The following CD247 variants were observed in gnomAD, a reference collection of about 807,000 sequenced individuals.
CD247 encodes the protein T-cell surface glycoprotein CD3 zeta chain.
A neutral mutation model predicts 30.0 loss-of-function variants in CD247; 13 were observed. The ratio of observed to expected loss-of-function variants is 0.43; its 90% CI spans 0.28 to 0.69. The LOEUF (loss-of-function observed/expected upper bound fraction) is 0.69, where lower values mean the gene tolerates loss of function less well. Ranked by LOEUF, CD247 falls within the 30% of genes least tolerant of loss-of-function variation. The probability of loss-of-function intolerance (pLI) is 0.16; values close to 1 mark genes in which losing one functional copy is unlikely to be tolerated. For missense variants in CD247, 193 were observed against 212.6 expected (o/e 0.91, Z 0.57); for synonymous variants, 72 against 80.0 (o/e 0.90, Z 0.53).
rs538569607 is a variant in CD247 at position 167,514,770 on chromosome 1, G to A, written c.58+3638C>T. On this transcript the variant is annotated intron_variant, in intron 1 of 7. Transcript: ENST00000362089. ...TTATCTGACCTATATAAGGTCCTAAGCCTTAGATAAATAAGGCTTGGGAGA... is the reference window on the plus strand; with the variant it reads ...TTATCTGACCTATATAAGGTCCTAAACCTTAGATAAATAAGGCTTGGGAGA... Among the ~76,000 whole-genome samples the A allele has an allele frequency of 6.6e-5, 10 of 152,186 alleles. No homozygotes were observed. In the East Asian group the frequency reaches 1.9e-3, roughly 29 times the overall value.
At chr1:167,490,354 G>A (rs1654396450) in intron 1 of CD247, among the ~76,000 whole-genome samples, 1 of 152,198 alleles carries the variant, frequency 6.6e-6, no homozygotes, top group Non-Finnish European at 1.5e-5. Context: ...GCCGGGCGCG[G>A]TGGCTCACGC....
At chr1:167,482,141 G>A (rs1201690316) in intron 1 of CD247, among the ~76,000 whole-genome samples, 1 of 152,142 alleles carries the variant, frequency 6.6e-6, no homozygotes, top group East Asian at 1.9e-4. Context: ...AAGTTCTCTG[G>A]CCTGAGGATG....
At chr1:167,496,481 A>G (rs914931150) in intron 1 of CD247, among the ~76,000 whole-genome samples, 4 of 152,228 alleles carry the variant, frequency 2.6e-5, no homozygotes, top group Non-Finnish European at 5.9e-5. Flanking sequence ...GCTTAAAAGC[A>G]GCAGCTTGTC....
chr1:167,458,229 C>T (rs1231013373), intron 1 of CD247, among the ~76,000 whole-genome samples: 1 of 152,244 alleles, frequency 6.6e-6, no homozygotes, highest in African/African-American at 2.4e-5. Flanking sequence ...AACAAGCCAC[C>T]ACAGAACATC....
At chr1:167,488,140 T>C (rs1194964446) in intron 1 of CD247, among the ~76,000 whole-genome samples, 2 of 152,166 alleles carry the variant, frequency 1.3e-5, no homozygotes, top group Non-Finnish European at 2.9e-5. Context: ...AAAAGGTTTG[T>C]TAAAGGCACA....
chr1:167,514,651 G>A (rs534289361), intron 1 of CD247, among the ~76,000 whole-genome samples: 1 of 151,938 alleles, frequency 6.6e-6, no homozygotes, highest in South Asian at 2.1e-4. Flanking sequence ...TCAAAGTGAC[G>A]AACACCATCA....
At chr1:167,483,424 C>T (rs917567058) in intron 1 of CD247, among the ~76,000 whole-genome samples, 5 of 152,218 alleles carry the variant, frequency 3.3e-5, no homozygotes, top group Non-Finnish European at 5.9e-5. Flanking sequence ...CTCCCCCTCC[C>T]TACCCTGCTT....
At chr1:167,437,283 T>C (rs531341995) in intron 4 of CD247, among the ~76,000 whole-genome samples, 18 of 152,144 alleles carry the variant, frequency 1.2e-4, no homozygotes, top group African/African-American at 4.3e-4. Context: ...CGCATGCCTG[T>C]AATCCCAGCT....
chr1:167,456,894 G>A (rs758847488), intron 1 of CD247, among the ~76,000 whole-genome samples: 1 of 152,212 alleles, frequency 6.6e-6, no homozygotes, highest in Non-Finnish European at 1.5e-5. Context: ...ACTTTGTCAT[G>A]TTAATGTGTA....
intron 1 of CD247, among the ~76,000 whole-genome samples, chr1:167,503,910 G>A (rs1227186218): frequency 6.6e-6 from 1 of 152,212 alleles, no homozygotes; most frequent in African/African-American, 2.4e-5. Flanking sequence ...TAGAGTCACG[G>A]CTGGTGTTTC....
At chr1:167,465,327 C>CTT (rs765176193) in intron 1 of CD247, among the ~76,000 whole-genome samples, 29,074 of 115,246 alleles carry the variant, frequency 0.25, 4,794 homozygotes, top group Non-Finnish European at 0.36. Flanking sequence ...TTTTCTTTTT[C>CTT]TTTTTTTTTT....
intron 1 of CD247, among the ~76,000 whole-genome samples, chr1:167,461,890 C>T (rs1158973614): frequency 6.6e-6 from 1 of 152,188 alleles, no homozygotes; most frequent in African/African-American, 2.4e-5. Flanking sequence ...GTATTAACCT[C>T]CCTTTTGTGT....
intron 1 of CD247, among the ~76,000 whole-genome samples, chr1:167,502,557 G>A (rs1289470329): frequency 6.6e-6 from 1 of 152,136 alleles, no homozygotes; most frequent in South Asian, 2.1e-4. Context: ...TCCAGAAACC[G>A]TTGGTAGGTG....
At chr1:167,437,504 C>T (rs1005009871) in intron 4 of CD247, among the ~76,000 whole-genome samples, 30 of 152,002 alleles carry the variant, frequency 2.0e-4, no homozygotes, top group African/African-American at 7.2e-4. Flanking sequence ...GACTGTGGAA[C>T]ATACACACAA....
chr1:167,438,619 T>G lies in CD247; in HGVS notation c.251A>C (p.Asp84Ala), dbSNP rs181746205. 7 of 1,614,070 alleles carry G rather than the reference T, an allele frequency of 4.3e-6. No homozygotes were observed. The South Asian group carries it at 7.7e-5, about 18-fold the overall frequency. ...CCGGCCACGTCTCTTGTCCAAAACATCGTACTCCTCTCTTCGTCCTAGATT... is the reference window on the plus strand; with the variant it reads ...CCGGCCACGTCTCTTGTCCAAAACAGCGTACTCCTCTCTTCGTCCTAGATT... Reference protein sequence around the residue: ...ELNLGRREEYDVLDKRRGRDP... With the variant: ...ELNLGRREEYAVLDKRRGRDP... Residue 84 changes from aspartate (D) to alanine (A), a missense_variant, in exon 4 of 8, where the codon GAT becomes GCT. By Grantham distance (126) the Asp-to-Ala change is moderately radical. Coordinates refer to ENST00000362089, the MANE Select transcript of CD247 (RefSeq NM_198053.3).
Position 167,431,677 on chromosome 1 carries a change from G to A in CD247, c.*4C>T, listed in dbSNP as rs1379290024. ...GGCCTTTGAGTGGTGAAATCCCCTG[G>A]CTGTTAGCGAGGGGGCAGGGCCTGC... On this transcript the variant is annotated 3_prime_UTR_variant, in exon 8 of 8. Transcript: ENST00000362089. 6.2e-7 allele frequency: 1 copy of A among 1,613,190 alleles called. No individual in the cohort carries two copies. The highest frequency in any genetic ancestry group is 8.5e-7 in the Non-Finnish European group (1 of 1,179,242).
chr1:167,497,060 G>A (rs1053323557), intron 1 of CD247, among the ~76,000 whole-genome samples: 7 of 152,186 alleles, frequency 4.6e-5, no homozygotes, highest in African/African-American at 1.7e-4. Context: ...TATTCATAAT[G>A]CGTCCAAACA....
At chr1:167,438,152 C>T (rs985072519) in intron 4 of CD247, among the ~76,000 whole-genome samples, 1 of 152,180 alleles carries the variant, frequency 6.6e-6, no homozygotes, top group Non-Finnish European at 1.5e-5. Context: ...ATAGTGTCTA[C>T]AAAGCCAAGA....
At chr1:167,448,952 G>A (rs1205739419) in intron 1 of CD247, among the ~76,000 whole-genome samples, 1 of 152,122 alleles carries the variant, frequency 6.6e-6, no homozygotes, top group African/African-American at 2.4e-5. Flanking sequence ...ATGTTTCATT[G>A]TAAAATTGGA....
Sources: gnomAD v4.1 joint callset for allele counts (sites outside exome capture counted in the v4.1 genomes callset) on GRCh38, gnomAD v4.1.1 for gene constraint, MANE v1.5 for transcripts, NCBI Gene and HGNC (gene_info 2026-07-23, HGNC 2026-07-21) for gene names.